The following ATP11A variants were observed in gnomAD, a reference collection of about 807,000 sequenced individuals.
ATP11A encodes the protein ATPase phospholipid transporting 11A.
ATP11A carries 81 observed loss-of-function variants against 154.4 expected under a neutral mutation model. The ratio of observed to expected loss-of-function variants is 0.52; its 90% CI spans 0.44 to 0.63. The LOEUF (loss-of-function observed/expected upper bound fraction) is 0.63, where lower values mean the gene tolerates loss of function less well. Ranked by LOEUF, ATP11A falls within the 30% of genes least tolerant of loss-of-function variation. The pLI, the probability that ATP11A is intolerant of heterozygous loss-of-function variation, is 0.00. For synonymous variants in ATP11A, 623 were observed against 585.9 expected (o/e 1.06, Z -0.91); for missense variants, 1,316 against 1,474.3 (o/e 0.89, Z 1.76).
chr13:112,748,808 A>G (rs1242706702), intron 1 of ATP11A, among the ~76,000 whole-genome samples: 2 of 152,188 alleles, frequency 1.3e-5, no homozygotes, highest in East Asian at 3.9e-4. Context: ...GTGCTTGTAG[A>G]TCAATATCTT....
intron 2 of ATP11A, among the ~76,000 whole-genome samples, chr13:112,803,999 C>T (rs1304876541): frequency 5.8e-5 from 3 of 51,694 alleles, no homozygotes; most frequent in East Asian, 5.3e-4. Context: ...TCCCCTCCTT[C>T]CCTCCTTCAC....
intron 17 of ATP11A, among the ~76,000 whole-genome samples, chr13:112,844,888 G>A (rs948471369): frequency 3.3e-5 from 5 of 151,022 alleles, no homozygotes; most frequent in Admixed American, 6.6e-5. Context: ...TCCAGTTGCC[G>A]ACTGCTAGCG....
chr13:112,820,055 T>G, intron 8 of ATP11A, 105 bp downstream of exon 8: 1 of 1,168,044 alleles, frequency 8.6e-7, no homozygotes, highest in South Asian at 1.6e-5. Flanking sequence ...CTGGTAGATT[T>G]GGAAGGTGGA....
chr13:112,729,382 C>T (rs776345985), intron 1 of ATP11A, among the ~76,000 whole-genome samples: 1 of 151,194 alleles, frequency 6.6e-6, no homozygotes, highest in South Asian at 2.1e-4. Context: ...CTTAGCATTG[C>T]GGGCCCAGAG....
rs1281455868 is a variant in ATP11A, at chr13:112,826,770, C to T, written c.1100C>T (p.Thr367Met). 5 of 1,614,148 alleles carry T rather than the reference C, an allele frequency of 3.1e-6. No individual in the cohort carries two copies. Among genetic ancestry groups the T allele is most frequent in the Non-Finnish European group, 4.2e-6 (5 of 1,180,036 alleles). ...ATCATCCCTGTGTCCATGTACGTCA[C>T]GGTCGAGATGCAGAAGTTCCTCGGC... The part of the protein sequence containing the change: ...NYIIPVSMYV[T>M]VEMQKFLGSY... The change falls in exon 12 of 30, where the codon ACG becomes ATG. Residue 367 changes from threonine to methionine, a missense_variant. Thr to Met is a moderately conservative substitution (Grantham distance 81). Coordinates refer to ENST00000375645, the MANE Select transcript of ATP11A (RefSeq NM_015205.3).
chr13:112,827,001 G>A, intron 12 of ATP11A, 110 bp downstream of exon 12: 1 of 1,071,044 alleles, frequency 9.3e-7, no homozygotes, highest in Non-Finnish European at 1.4e-6. Context: ...CCTGTAGCTG[G>A]CGTAAGACAG....
chr13:112,754,017 C>G lies in ATP11A; in HGVS notation c.40-31118C>G, dbSNP rs1410474565. Among the ~76,000 whole-genome samples the G allele has an allele frequency of 6.6e-6, 1 of 152,232 alleles. No homozygotes were observed. Among genetic ancestry groups the G allele is most frequent in the Non-Finnish European group, 1.5e-5 (1 of 68,050 alleles). ...CCTGACAGGCCGATCACAGCCTGAC[C>G]TTGACCAGGCAGCATCCAGGGCGTC... On this transcript the variant is annotated intron_variant, in intron 1 of 29. Coordinates refer to ENST00000375645, the MANE Select transcript of ATP11A (RefSeq NM_015205.3). This position sits in a 1 kb window ranked among gnomAD's most constrained non-coding sequence, Gnocchi z 5.3.
intron 28 of ATP11A, chr13:112,876,208 A>G (rs372205426): frequency 7.9e-5 from 24 of 302,136 alleles, no homozygotes; most frequent in African/African-American, 4.5e-4. Flanking sequence ...AAGGCAAATT[A>G]TTTCATGTAA....
At chr13:112,816,409 AATTGT>A (rs2078647273) in intron 6 of ATP11A, among the ~76,000 whole-genome samples, 198 bp downstream of exon 6, 4 of 152,148 alleles carry the variant, frequency 2.6e-5, no homozygotes, top group Non-Finnish European at 5.9e-5. Context: ...TTTAAAAATA[AATTGT>A]ATTGTGTATA....
intron 1 of ATP11A, among the ~76,000 whole-genome samples, chr13:112,762,394 GAC>G (rs1368138850): frequency 6.6e-6 from 1 of 152,188 alleles, no homozygotes; most frequent in Admixed American, 6.5e-5. Context: ...CTGTTGGAAA[GAC>G]AGCAGCAGCC....
At chr13:112,815,297 C>T (rs1053017684) in intron 5 of ATP11A, among the ~76,000 whole-genome samples, 8 of 152,098 alleles carry the variant, frequency 5.3e-5, no homozygotes, top group Non-Finnish European at 1.0e-4. Flanking sequence ...CTTCCACACC[C>T]TTCAGACACA....
intron 1 of ATP11A, among the ~76,000 whole-genome samples, chr13:112,781,357 A>G (rs1011452973): frequency 1.8e-4 from 28 of 152,058 alleles, no homozygotes; most frequent in African/African-American, 5.8e-4. Context: ...CGTTTTGTCT[A>G]TGTCCCCGTT....
In ATP11A at chr13:112,854,348, G is replaced by C; in HGVS notation, c.2061G>C (p.Thr687=). 1 of 1,614,126 alleles carries C rather than the reference G, an allele frequency of 6.2e-7. No homozygotes were observed. Among genetic ancestry groups the C allele is most frequent in the Non-Finnish European group, 8.5e-7 (1 of 1,180,042 alleles). ...CCGGGATCAAAGTCTGGGTTCTCAC[G>C]GGAGACAAGATGGAGACGGCCGCGG... ...QKAGIKVWVL[T]GDKMETAAAT... is the part of the protein sequence containing the mutation. Residue 687 remains threonine, a synonymous_variant, in exon 19 of 30, where the codon ACG becomes ACC. Transcript: ENST00000375645.
intron 2 of ATP11A, among the ~76,000 whole-genome samples, chr13:112,797,049 T>C (rs2078017926): frequency 6.6e-6 from 1 of 151,892 alleles, no homozygotes; most frequent in Admixed American, 6.6e-5. Context: ...TCACCTGAGG[T>C]CAGGAGTTTG....
At chr13:112,732,680 C>T (rs1265636506) in intron 1 of ATP11A, among the ~76,000 whole-genome samples, 2 of 152,152 alleles carry the variant, frequency 1.3e-5, no homozygotes, top group African/African-American at 2.4e-5. Flanking sequence ...GGTGCGATCT[C>T]GGCTCACTGC....
intron 2 of ATP11A, among the ~76,000 whole-genome samples, chr13:112,799,361 GT>G (rs1182585817): frequency 6.6e-6 from 1 of 152,160 alleles, no homozygotes; most frequent in Non-Finnish European, 1.5e-5. Context: ...CAACAAGGCT[GT>G]TTATTCACTT....
chr13:112,813,514 A>G (rs921917400), intron 5 of ATP11A, among the ~76,000 whole-genome samples: 1 of 152,212 alleles, frequency 6.6e-6, no homozygotes, highest in African/African-American at 2.4e-5. Flanking sequence ...CACAAGTTGA[A>G]GGGCTTTTCG....
intron 1 of ATP11A, among the ~76,000 whole-genome samples, chr13:112,748,622 T>A (rs974111254): frequency 6.6e-6 from 1 of 152,168 alleles, no homozygotes; most frequent in African/African-American, 2.4e-5. Flanking sequence ...CGCCGAGGCC[T>A]CCAAAAGTGC....
intron 1 of ATP11A, among the ~76,000 whole-genome samples, chr13:112,719,898 T>A (rs1415236889): frequency 6.6e-6 from 1 of 152,004 alleles, no homozygotes; most frequent in South Asian, 2.1e-4. Flanking sequence ...TCCCATAATT[T>A]AAAAAAAAGT....
Sources: gnomAD v4.1 joint callset for allele counts (sites outside exome capture counted in the v4.1 genomes callset) on GRCh38, gnomAD v4.1.1 for gene constraint, Gnocchi (gnomAD v3.1) non-coding constraint, MANE v1.5 for transcripts, NCBI Gene and HGNC (gene_info 2026-07-23, HGNC 2026-07-21) for gene names.